The following SP2 variants were observed in gnomAD, a reference collection of about 807,000 sequenced individuals.
The protein encoded by SP2 is Sp2 transcription factor.
SP2 carries 9 observed loss-of-function variants against 50.1 expected under a neutral mutation model. The ratio of observed to expected loss-of-function variants is 0.18; its 90% confidence interval spans 0.11 to 0.31. The LOEUF (loss-of-function observed/expected upper bound fraction) is 0.31. Ranked by LOEUF, SP2 falls within the 10% of genes least tolerant of loss-of-function variation. The pLI is 1.00. For synonymous variants in SP2, 313 were observed against 326.6 expected (o/e 0.96, Z 0.45); for missense variants, 581 against 806.5 (o/e 0.72, Z 3.39).
At chr17:47,931,672 A>G (rs900935040), downstream of SP2, among the ~76,000 whole-genome samples, 1 of 152,166 alleles carries the variant, frequency 6.6e-6, no homozygotes, top group African/African-American at 2.4e-5. Context: ...TAAGCTGTTG[A>G]TTATTTCAAT....
At position 47,916,875 on chromosome 17, in the gene SP2, G is replaced by A. The variant is rs781314113; in HGVS notation, c.804G>A (p.Val268=). The change falls in exon 3 of 7, where the codon GTG becomes GTA. Residue 268 remains valine (V), a synonymous_variant. Transcript: ENST00000376741. This position sits in a 1 kb window ranked among gnomAD's most constrained non-coding sequence, Gnocchi z 4.7. ...PVAVAEQVET[V]LIETTADNII... ...CTGTGGCTGAGCAGGTGGAGACGGTGCTGATCGAGACCACCGCGGACAACA... is the reference window on the plus strand; with the variant it reads ...CTGTGGCTGAGCAGGTGGAGACGGTACTGATCGAGACCACCGCGGACAACA... The A allele has an allele frequency of 1.5e-5, 25 of 1,614,154 alleles. No individual in the cohort carries two copies. The highest frequency in any genetic ancestry group is 1.9e-5 in the Non-Finnish European group (23 of 1,180,022).
rs1224500329 is a variant in SP2 at position 47,916,968 on chromosome 17, G to A, written c.897G>A (p.Gln299=). 6.2e-7 allele frequency: 1 copy of A among 1,614,138 alleles called. No individual in the cohort carries two copies. Residue 299 remains glutamine, a synonymous_variant, in exon 3 of 7, where the codon CAG becomes CAA. Coordinates refer to ENST00000376741, the MANE Select transcript of SP2 (RefSeq NM_003110.6). The surrounding 1 kb of genome is among the most constrained non-coding windows in gnomAD (Gnocchi z 4.7). The stretch of plus-strand genomic sequence containing the variant: ...GTGGGGGCCAGCCAGCTGTGGTCCA[G>A]CAGGTCCAGGTGGTGCCCCCCAAGG... ...SPGGGQPAVV[Q]QVQVVPPKAE...
chr17:47,927,660 C>A, intron 6 of SP2, 64 bp from the exon 7 acceptor site: 3 of 1,175,172 alleles, frequency 2.6e-6, no homozygotes, highest in South Asian at 1.3e-5. Flanking sequence ...CGCACCCCAC[C>A]TTTTTGGGCA....
At chr17:47,902,703 A>G (rs1228063108) in intron 1 of SP2, among the ~76,000 whole-genome samples, 5 of 152,212 alleles carry the variant, frequency 3.3e-5, no homozygotes, top group African/African-American at 4.8e-5. Flanking sequence ...AAGGAGTCAC[A>G]GGATTAGGAC....
In SP2 at chr17:47,916,314, G is replaced by A. The variant is rs2035199753; in HGVS notation, c.243G>A (p.Lys81=). ...KPAPLPLSPG[K]NSFGILSSKG... is the part of the protein sequence containing the mutation. ...CCCCTCTCCCTCTCAGCCCCGGCAAGAATAGCTTTGGAATCTTGTCCTCCA... is the reference window on the plus strand; with the variant it reads ...CCCCTCTCCCTCTCAGCCCCGGCAAAAATAGCTTTGGAATCTTGTCCTCCA... The change falls in exon 3 of 7, where the codon AAG becomes AAA. Residue 81 remains lysine (K), a synonymous_variant. Coordinates refer to ENST00000376741, the MANE Select transcript of SP2 (RefSeq NM_003110.6). This position sits in a 1 kb window ranked among gnomAD's most constrained non-coding sequence, Gnocchi z 4.7. 6.2e-7 allele frequency: 1 copy of A among 1,614,006 alleles called. No homozygotes were observed. Among genetic ancestry groups the A allele is most frequent in the Non-Finnish European group, 8.5e-7 (1 of 1,180,020 alleles).
chr17:47,896,472 G>A (rs2034335819), intron 1 of SP2, 179 bp downstream of exon 1: 2 of 498,232 alleles, frequency 4.0e-6, no homozygotes, highest in African/African-American at 2.0e-5. Flanking sequence ...GAGGAGCGGG[G>A]CTGGCCAGCC....
intron 4 of SP2, 33 bp from the exon 5 acceptor site, chr17:47,924,886 C>G (rs368180646): frequency 6.5e-6 from 10 of 1,537,836 alleles, no homozygotes; most frequent in Non-Finnish European, 7.0e-6. Flanking sequence ...CAGGCTTCCT[C>G]ACCCTGAACT....
At chr17:47,909,782 C>T (rs1195539338) in intron 1 of SP2, 1 of 596,330 alleles carries the variant, frequency 1.7e-6, no homozygotes, top group African/African-American at 2.0e-5. Context: ...TTTAAGATGT[C>T]CTTGAACTCT....
chr17:47,921,306 T>TG (rs2035447817), intron 3 of SP2, among the ~76,000 whole-genome samples: 1 of 152,222 alleles, frequency 6.6e-6, no homozygotes, highest in African/African-American at 2.4e-5. Flanking sequence ...TGGAGTGCAG[T>TG]GGCACAATCT....
chr17:47,906,254 G>T (rs2034756928), intron 1 of SP2, among the ~76,000 whole-genome samples: 1 of 152,176 alleles, frequency 6.6e-6, no homozygotes, highest in African/African-American at 2.4e-5. Flanking sequence ...GGAATCATGA[G>T]GACTTGATGA....
chr17:47,930,211 C>T (rs1298632441), downstream of SP2, among the ~76,000 whole-genome samples: 1 of 152,196 alleles, frequency 6.6e-6, no homozygotes, highest in Non-Finnish European at 1.5e-5. Context: ...CATGCGTGGA[C>T]TGCATGACTA....
chr17:47,923,499 G>A (rs1342359388), intron 4 of SP2, among the ~76,000 whole-genome samples: 1 of 152,232 alleles, frequency 6.6e-6, no homozygotes, highest in Non-Finnish European at 1.5e-5. Flanking sequence ...GAAGATAGAT[G>A]TACTCGGAAA....
At chr17:47,919,847 T>TTTTTTTC (rs775471593) in intron 3 of SP2, among the ~76,000 whole-genome samples, 13 of 99,974 alleles carry the variant, frequency 1.3e-4, no homozygotes, top group Middle Eastern at 5.0e-3. Context: ...TTTTTTTTTT[T>TTTTTTTC]CTGTTTTTTT....
chr17:47,925,615 C>T (rs909847912), intron 6 of SP2, 74 bp downstream of exon 6: 11 of 1,243,482 alleles, frequency 8.8e-6, no homozygotes, highest in African/African-American at 1.5e-5. Flanking sequence ...CCCACTCTAC[C>T]GGCTTTAGCA....
chr17:47,924,439 T>C (rs1750974535), intron 4 of SP2, among the ~76,000 whole-genome samples: 2 of 152,224 alleles, frequency 1.3e-5, no homozygotes, highest in South Asian at 4.1e-4. Context: ...CTGTGACCTC[T>C]TGTCTTTTTA....
Position 47,927,718 on chromosome 17 carries a change from TC to T in SP2, c.1742-3del. The T allele has an allele frequency of 6.4e-7, 1 of 1,568,080 alleles. No homozygotes were observed. Among genetic ancestry groups the T allele is most frequent in the Non-Finnish European group, 8.7e-7 (1 of 1,154,278 alleles). ...TCTGTGGGTGATGGGCATCTCCTCT[TC>T]CCAGGGGACAAACGCTTCGAGTGCG... On this transcript the variant is annotated splice_region_variant and splice_polypyrimidine_tract_variant and intron_variant, in intron 6 of 6. Coordinates refer to ENST00000376741, the MANE Select transcript of SP2 (RefSeq NM_003110.6).
At chr17:47,919,140 G>A (rs1439031161) in intron 3 of SP2, among the ~76,000 whole-genome samples, 1 of 152,172 alleles carries the variant, frequency 6.6e-6, no homozygotes, top group East Asian at 1.9e-4. Flanking sequence ...GCCAGGTGAG[G>A]TAGTTTATGC....
At chr17:47,917,199 G>C in intron 3 of SP2, 69 bp downstream of exon 3, 1 of 1,466,306 alleles carries the variant, frequency 6.8e-7, no homozygotes. Flanking sequence ...CTTTGAAGAT[G>C]ATGCTGGTCA....
intron 4 of SP2, among the ~76,000 whole-genome samples, chr17:47,923,527 C>G (rs953985668): frequency 3.9e-5 from 6 of 152,218 alleles, no homozygotes; most frequent in African/African-American, 1.4e-4. Flanking sequence ...AACTGACATC[C>G]AAACGCAAAG....
Sources: gnomAD v4.1 joint callset for allele counts (sites outside exome capture counted in the v4.1 genomes callset) on GRCh38, gnomAD v4.1.1 for gene constraint, Gnocchi (gnomAD v3.1) non-coding constraint, MANE v1.5 for transcripts, NCBI Gene and HGNC (gene_info 2026-07-23, HGNC 2026-07-21) for gene names.